The following FAM228A variants were observed in gnomAD, a reference collection of about 807,000 sequenced individuals.
FAM228A encodes protein FAM228A.
In FAM228A, 13 loss-of-function variants were observed where a neutral mutation model predicts 18.6. The ratio of observed to expected loss-of-function variants is 0.70; its 90% CI spans 0.45 to 1.11. The LOEUF (loss-of-function observed/expected upper bound fraction) is 1.11. FAM228A is among the 50% of genes least tolerant of loss of function. The probability of loss-of-function intolerance (pLI) is 0.00; values close to 1 mark genes in which losing one functional copy is unlikely to be tolerated. For missense variants in FAM228A, 240 were observed against 242.2 expected, an observed-to-expected ratio of 0.99 and a Z score of 0.06; for synonymous variants, 77 against 86.6, an observed-to-expected ratio of 0.89 and a Z score of 0.61.
rs1378841098 is a variant in FAM228A, at chr2:24,175,124, C to G, written c.-65C>G. On this transcript the variant is annotated 5_prime_UTR_variant, in exon 1 of 6. Coordinates refer to ENST00000295150, the MANE Select transcript of FAM228A (RefSeq NM_001040710.3). ...TCCAGGACGCGGCCTCGGGGGAGCC[C>G]TACCGGGACGGAGCCGCGGGGCCTG... 9.3e-6 allele frequency: 2 copies of G among 216,072 alleles called. No homozygotes were observed. The highest frequency in any genetic ancestry group is 1.8e-5 in the Non-Finnish European group (2 of 109,250). 13.4% of individuals were successfully genotyped at this position (216,072 alleles called of 1,614,324 possible).
chr2:24,186,243 A>G (rs1371247994), intron 5 of FAM228A, among the ~76,000 whole-genome samples: 3 of 152,042 alleles, frequency 2.0e-5, no homozygotes, highest in East Asian at 1.9e-4. Flanking sequence ...CAGGTGATCC[A>G]CCTGCCTCGG....
chr2:24,176,018 T>C (rs1249798519), intron 2 of FAM228A: 1 of 993,702 alleles, frequency 1.0e-6, no homozygotes, highest in Non-Finnish European at 1.2e-6. Context: ...AATTTTTCTA[T>C]GTGTGTGCAC....
Position 24,190,793 on chromosome 2 carries a change from A to G in FAM228A, c.*162A>G. ...CGGGCGGGGAAGCCTTGCATGAAGA[A>G]ACTCAGACAAGTGGTAAATGTGGGA... On this transcript the variant is annotated 3_prime_UTR_variant, in exon 6 of 6. Coordinates refer to ENST00000295150, the MANE Select transcript of FAM228A (RefSeq NM_001040710.3). 7.6e-7 allele frequency: 1 copy of G among 1,321,324 alleles called. No homozygotes were observed. The highest frequency in any genetic ancestry group is 2.6e-5 in the South Asian group (1 of 39,180). The allele number at this position is 1,321,324 out of a possible 1,614,324, so 81.8% of individuals were successfully genotyped here. A position where few individuals can be genotyped will look rare whatever the true frequency, so the allele number is the denominator to read the frequency against.
At chr2:24,185,358 C>T (rs1667923190) in intron 5 of FAM228A, among the ~76,000 whole-genome samples, 1 of 152,196 alleles carries the variant, frequency 6.6e-6, no homozygotes, top group Admixed American at 6.5e-5. Flanking sequence ...TATTTGTTTA[C>T]TATAGCTTTT....
Position 24,191,436 on chromosome 2 carries a change from G to A in FAM228A, c.*805G>A. 1.0e-6 allele frequency: 1 copy of A among 985,458 alleles called. No individual in the cohort carries two copies. The highest frequency in any genetic ancestry group is 1.2e-6 in the Non-Finnish European group (1 of 829,930). 61.0% of individuals were successfully genotyped at this position (985,458 alleles called of 1,614,324 possible). A position where few individuals can be genotyped will look rare whatever the true frequency, so the allele number is the denominator to read the frequency against. On this transcript the variant is annotated 3_prime_UTR_variant, in exon 6 of 6. Coordinates refer to ENST00000295150, the MANE Select transcript of FAM228A (RefSeq NM_001040710.3). ...GGGAGTAAGGGATTCTCCGTCTGTG[G>A]TAAGTTACCTGTGACTCTTCAGCAG...
intron 5 of FAM228A, among the ~76,000 whole-genome samples, chr2:24,185,497 C>T (rs1667926471): frequency 6.6e-6 from 1 of 152,138 alleles, no homozygotes; most frequent in East Asian, 1.9e-4. Flanking sequence ...ACTTTTACAC[C>T]AACCTAATAC....
chr2:24,179,311 A>G, intron 3 of FAM228A: 1 of 529,588 alleles, frequency 1.9e-6, no homozygotes, highest in Non-Finnish European at 2.6e-6. Flanking sequence ...CTGATGTTTT[A>G]TTTTTCAAAT....
At position 24,191,313 on chromosome 2, in the gene FAM228A, AG is replaced by A. The variant is rs1305749655; in HGVS notation, c.*684del. On this transcript the variant is annotated 3_prime_UTR_variant, in exon 6 of 6. Coordinates refer to ENST00000295150, the MANE Select transcript of FAM228A (RefSeq NM_001040710.3). Reference sequence around the variant, plus strand: ...CTCCCACCCTCACCACCACACACACAGGATGGGGGACTGCTGCTGCTTTCCA... The same window carrying A: ...CTCCCACCCTCACCACCACACACACAGATGGGGGACTGCTGCTGCTTTCCA... 2 of 985,438 alleles carry A rather than the reference AG, an allele frequency of 2.0e-6. No individual in the cohort carries two copies. Among genetic ancestry groups the A allele is most frequent in the African/African-American group, 3.5e-5 (2 of 57,216 alleles). 61.0% of individuals were successfully genotyped at this position (985,438 alleles called of 1,614,324 possible). A position where few individuals can be genotyped will look rare whatever the true frequency, so the allele number is the denominator to read the frequency against.
rs1340739706 is a variant in FAM228A at position 24,183,597 on chromosome 2, A to G, written c.353A>G (p.Glu118Gly). 1 of 1,613,932 alleles carries G rather than the reference A, an allele frequency of 6.2e-7. No homozygotes were observed. Among genetic ancestry groups the G allele is most frequent in the Admixed American group, 1.7e-5 (1 of 59,992 alleles). The change falls in exon 5 of 6, where the codon GAG becomes GGG. Residue 118 changes from glutamate to glycine, a missense_variant. By Grantham distance (98) the Glu-to-Gly change is moderately conservative. Coordinates refer to ENST00000295150, the MANE Select transcript of FAM228A (RefSeq NM_001040710.3). Reference sequence around the variant, plus strand: ...ACTTCACACTGTGTGATTCCAAAAGAGTGGCATAAAGCCTCTGCAAGAGCC... The same window carrying G: ...ACTTCACACTGTGTGATTCCAAAAGGGTGGCATAAAGCCTCTGCAAGAGCC... ...TFTSHCVIPK[E>G]WHKASARARS...
chr2:24,178,722 G>T (rs62139962), intron 3 of FAM228A, among the ~76,000 whole-genome samples: 3 of 152,166 alleles, frequency 2.0e-5, no homozygotes, highest in Admixed American at 2.0e-4. Context: ...AGTCTAGTGC[G>T]CTTTCTACTC....
At position 24,190,588 on chromosome 2, in the gene FAM228A, G is replaced by A; in HGVS notation, c.578G>A (p.Gly193Glu). The change falls in exon 6 of 6, where the codon GGG (glycine) becomes GAG (glutamate). Residue 193 changes from glycine to glutamate, a missense_variant. Transcript: ENST00000295150. ...GGCCTGGGGCGGGGCTGGCATGCAG[G>A]GCTTTGCAGCACCCACGAGCAGCAC... is the stretch of plus-strand genomic sequence containing the variant. ...SRGLGRGWHAGLCSTHEQHIL... is the reference protein window; with the variant it reads ...SRGLGRGWHAELCSTHEQHIL... 1 of 1,604,364 alleles carries A rather than the reference G, an allele frequency of 6.2e-7. No individual in the cohort carries two copies. The highest frequency in any genetic ancestry group is 8.5e-7 in the Non-Finnish European group (1 of 1,176,396).
Position 24,175,118 on chromosome 2 carries a change from G to A in FAM228A, c.-71G>A. On this transcript the variant is annotated 5_prime_UTR_variant, in exon 1 of 6. Transcript: ENST00000295150. ...CGCCGCTCCAGGACGCGGCCTCGGG[G>A]GAGCCCTACCGGGACGGAGCCGCGG... 1 of 194,898 alleles carries A rather than the reference G, an allele frequency of 5.1e-6. No homozygotes were observed. Among genetic ancestry groups the A allele is most frequent in the South Asian group, 9.6e-5 (1 of 10,448 alleles). 12.1% of individuals were successfully genotyped at this position (194,898 alleles called of 1,614,324 possible).
intron 3 of FAM228A, among the ~76,000 whole-genome samples, chr2:24,183,042 C>T (rs4665669): frequency 0.86 from 130,671 of 151,972 alleles, 57,688 homozygotes; most frequent in South Asian, 0.95. Flanking sequence ...GGTACACATA[C>T]AGGTTTGTTA....
Position 24,175,556 on chromosome 2 carries a change from T to C in FAM228A, c.76T>C (p.Ser26Pro). 1 of 1,613,926 alleles carries C rather than the reference T, an allele frequency of 6.2e-7. No homozygotes were observed. Among genetic ancestry groups the C allele is most frequent in the Non-Finnish European group, 8.5e-7 (1 of 1,179,794 alleles). ...EKLREWPEPESVSLMEVLARE... is the reference protein window; with the variant it reads ...EKLREWPEPEPVSLMEVLARE... ...GTTAAGAGAATGGCCGGAGCCCGAGTCCGTTTCTTTAATGGAGGTGAGATA... is the reference window on the plus strand; with the variant it reads ...GTTAAGAGAATGGCCGGAGCCCGAGCCCGTTTCTTTAATGGAGGTGAGATA... The change falls in exon 2 of 6, where the codon TCC (serine) becomes CCC (proline). Residue 26 changes from serine (S) to proline (P), a missense_variant. Ser to Pro is a moderately conservative substitution (Grantham distance 74). Transcript: ENST00000295150.
At chr2:24,186,673 C>G (rs1286521858) in intron 5 of FAM228A, among the ~76,000 whole-genome samples, 13 of 151,876 alleles carry the variant, frequency 8.6e-5, no homozygotes, top group Non-Finnish European at 5.9e-5. Flanking sequence ...TAGTCTTGCT[C>G]TGTTACCCAG....
intron 3 of FAM228A, among the ~76,000 whole-genome samples, chr2:24,182,741 G>C (rs1486778137): frequency 3.9e-5 from 6 of 152,060 alleles, no homozygotes; most frequent in Non-Finnish European, 8.8e-5. Context: ...TCTAGACCAG[G>C]AGATCCTTGA....
In FAM228A at chr2:24,190,623, C is replaced by G. The variant is rs769328596; in HGVS notation, c.613C>G (p.Pro205Ala). The change falls in exon 6 of 6, where the codon CCA becomes GCA. Residue 205 changes from proline to alanine, a missense_variant. Coordinates refer to ENST00000295150, the MANE Select transcript of FAM228A (RefSeq NM_001040710.3). The stretch of plus-strand genomic sequence containing the variant: ...CACCCACGAGCAGCACATACTGGTT[C>G]CAGAATGAGCCACCGCCACAGCCCT... The part of the protein sequence containing the change: ...CSTHEQHILV[P>A]E 3 of 1,540,774 alleles carry G rather than the reference C, an allele frequency of 1.9e-6. No individual in the cohort carries two copies. The highest frequency in any genetic ancestry group is 2.5e-5 in the South Asian group (2 of 79,640).
In FAM228A at chr2:24,190,738, G is replaced by A. The variant is rs1485057498; in HGVS notation, c.*107G>A. The A allele has an allele frequency of 1.1e-5, 16 of 1,415,552 alleles. No homozygotes were observed. The highest frequency in any genetic ancestry group is 1.5e-5 in the Non-Finnish European group (16 of 1,081,412). The allele number at this position is 1,415,552 out of a possible 1,614,324, so 87.7% of individuals were successfully genotyped here. A position where few individuals can be genotyped will look rare whatever the true frequency, so the allele number is the denominator to read the frequency against. On this transcript the variant is annotated 3_prime_UTR_variant, in exon 6 of 6. Transcript: ENST00000295150. ...GAGGGAGAAATGGCGGTGGCCTCAGGCTCAGCACTGCAGCTCTGACAGGGC... is the reference window on the plus strand; with the variant it reads ...GAGGGAGAAATGGCGGTGGCCTCAGACTCAGCACTGCAGCTCTGACAGGGC...
chr2:24,184,974 C>T (rs776744980), intron 5 of FAM228A, among the ~76,000 whole-genome samples: 1 of 151,996 alleles, frequency 6.6e-6, no homozygotes, highest in Non-Finnish European at 1.5e-5. Context: ...AGGTGTGCGC[C>T]ACCACACCCA....
Sources: gnomAD v4.1 joint callset for allele counts (sites outside exome capture counted in the v4.1 genomes callset) on GRCh38, gnomAD v4.1.1 for gene constraint, MANE v1.5 for transcripts, NCBI Gene and HGNC (gene_info 2026-07-23, HGNC 2026-07-21) for gene names.